The following GPS1 variants were observed in gnomAD, a reference collection of about 807,000 sequenced individuals.
The protein encoded by GPS1 is COP9 signalosome complex subunit 1.
Under a neutral mutation model 60.0 loss-of-function variants are expected in GPS1, and 11 were observed. The ratio of observed to expected loss-of-function variants is 0.18; its 90% CI spans 0.12 to 0.30. The LOEUF is 0.30. Among genes scored for constraint, GPS1 ranks in the 10% least tolerant of loss-of-function variants. The pLI is 1.00. For missense variants in GPS1, 543 were observed against 669.2 expected, an observed-to-expected ratio of 0.81 and a Z score of 2.08; for synonymous variants, 343 against 269.8, an observed-to-expected ratio of 1.27 and a Z score of -2.66.
chr17:82,052,608 G>A, intron 1 of GPS1: 1 of 934,608 alleles, frequency 1.1e-6, no homozygotes, highest in East Asian at 2.7e-5. Flanking sequence ...GTGGGCCCGG[G>A]GCCTGCGGAG....
rs748382340 is a variant in GPS1, at chr17:82,056,307, G to A, written c.951G>A (p.Glu317=). 1 of 1,612,502 alleles carries A rather than the reference G, an allele frequency of 6.2e-7. No homozygotes were observed. The highest frequency in any genetic ancestry group is 1.1e-5 in the South Asian group (1 of 91,068). Residue 317 remains glutamate, a synonymous_variant, in exon 9 of 13, where the codon GAG becomes GAA. Transcript: ENST00000578552. ...CCAGCTCCTTCAAGTTGTTCTTGGA[G>A]CTGGAGCCACAGGTCCGAGACATCA... ...ISSSSFKLFL[E]LEPQVRDIIF... is the part of the protein sequence containing the mutation.
Position 82,056,926 on chromosome 17 carries a change from G to A in GPS1, c.1341G>A (p.Lys447=). 1.2e-6 allele frequency: 2 copies of A among 1,612,958 alleles called. No individual in the cohort carries two copies. Among genetic ancestry groups the A allele is most frequent in the Non-Finnish European group, 1.7e-6 (2 of 1,179,958 alleles). ...LMGKEFQRRA[K]AMMLRAAVLR... ...GCAAGGAGTTCCAGCGCCGCGCCAA[G>A]GCCATGATGCTGCGGGCAGCTGTGC... Residue 447 remains lysine, a synonymous_variant, in exon 12 of 13, where the codon AAG becomes AAA. Coordinates refer to ENST00000578552, the MANE Select transcript of GPS1 (RefSeq NM_001321092.3).
chr17:82,054,343 T>C, intron 3 of GPS1, 167 bp from the exon 4 acceptor site: 1 of 968,510 alleles, frequency 1.0e-6, no homozygotes, highest in Non-Finnish European at 1.5e-6. Flanking sequence ...CAGTTCTCTC[T>C]GTGGCCCTGG....
Position 82,054,968 on chromosome 17 carries a change from T to C in GPS1, c.680T>C (p.Ile227Thr). Residue 227 changes from isoleucine to threonine, a missense_variant, in exon 5 of 13, where the codon ATT becomes ACT. Ile to Thr is a moderately conservative substitution (Grantham distance 89). Around this residue, in one of 3 missense-constraint regions of GPS1, gnomAD observed 291 missense variants for 353.7 expected, o/e 0.82. Transcript: ENST00000578552. ...AGCAAGGCTGAGTCCACCCCAGAGA[T>C]TGCCGAGGTACGGGCCACCTCCTCA... ...YVSKAESTPE[I>T]AEQRGERDSQ... 1.2e-6 allele frequency: 2 copies of C among 1,612,942 alleles called. No individual in the cohort carries two copies. The highest frequency in any genetic ancestry group is 1.7e-6 in the Non-Finnish European group (2 of 1,179,926).
rs759169597 is a variant in GPS1 at position 82,055,166 on chromosome 17, G to T, written c.692G>T (p.Arg231Leu). The change falls in exon 6 of 13, where the codon CGA becomes CTA. Residue 231 changes from arginine to leucine, a missense_variant. Arg to Leu is a moderately radical substitution (Grantham distance 102, BLOSUM62 -2). Around this residue, in one of 3 missense-constraint regions of GPS1, gnomAD observed 291 missense variants for 353.7 expected, o/e 0.82. Transcript: ENST00000578552. ...GCATGTGGCTTCCTCCTACAGCAGC[G>T]AGGAGAGCGTGACAGCCAGACCCAG... Reference protein sequence around the residue: ...AESTPEIAEQRGERDSQTQAI... With the variant: ...AESTPEIAEQLGERDSQTQAI... The T allele has an allele frequency of 6.4e-7, 1 of 1,564,134 alleles. No homozygotes were observed. Among genetic ancestry groups the T allele is most frequent in the Non-Finnish European group, 8.7e-7 (1 of 1,154,552 alleles).
At position 82,057,265 on chromosome 17, in the gene GPS1, CTGGGGCTGAGGAGGCA is replaced by C. The variant is rs1250580223; in HGVS notation, c.*139_*154del. On this transcript the variant is annotated 3_prime_UTR_variant, in exon 13 of 13. Coordinates refer to ENST00000578552, the MANE Select transcript of GPS1 (RefSeq NM_001321092.3). ...GTGCCACCCAGCCTGTGTGCCCTCC[CTGGGGCTGAGGAGGCA>C]GGCGGCTGCTAGTTGTGGCCCTTCC... 12 of 1,152,208 alleles carry C rather than the reference CTGGGGCTGAGGAGGCA, an allele frequency of 1.0e-5. No homozygotes were observed. Among genetic ancestry groups the C allele is most frequent in the Non-Finnish European group, 1.5e-5 (12 of 780,560 alleles). The allele number at this position is 1,152,208 out of a possible 1,614,324, so 71.4% of individuals were successfully genotyped here.
Position 82,056,786 on chromosome 17 carries a change from C to T in GPS1, c.1254+20C>T, listed in dbSNP as rs766790468. On this transcript the variant is annotated intron_variant, in intron 11 of 12. Transcript: ENST00000578552. Reference sequence around the variant, plus strand: ...AGCAAGGTGGCTGTGGGCTGCGGGGCGGTGGGGGCAGCTGGGGGTGAGCCT... The same window carrying T: ...AGCAAGGTGGCTGTGGGCTGCGGGGTGGTGGGGGCAGCTGGGGGTGAGCCT... 3.4e-5 allele frequency: 54 copies of T among 1,602,098 alleles called. No individual in the cohort carries two copies. Among genetic ancestry groups the T allele is most frequent in the African/African-American group, 1.2e-4 (9 of 74,766 alleles).
chr17:82,051,855 GC>G, upstream of GPS1: 1 of 1,150,212 alleles, frequency 8.7e-7, no homozygotes, highest in Non-Finnish European at 1.1e-6. The surrounding 1 kb of genome is among the most constrained non-coding windows in gnomAD (Gnocchi z 4.1). Flanking sequence ...CAGCGGCCCC[GC>G]CCCGCCCCGC....
Position 82,056,989 on chromosome 17 carries a change from G to A in GPS1, c.1389+15G>A, listed in dbSNP as rs764439292. On this transcript the variant is annotated intron_variant, in intron 12 of 12. Transcript: ENST00000578552. ...TCCATGTCAAGGTGGGCTGGCTTGA[G>A]GGGGGGCAGGCGCACGGCGTGTGGG... is the stretch of plus-strand genomic sequence containing the variant. The A allele has an allele frequency of 6.9e-6, 11 of 1,594,816 alleles. No homozygotes were observed. In the East Asian group the frequency reaches 1.1e-4, roughly 16 times the overall value.
Position 82,054,535 on chromosome 17 carries a change from A to G in GPS1, c.334A>G (p.Ile112Val), listed in dbSNP as rs371231940. The G allele has an allele frequency of 1.7e-5, 27 of 1,561,248 alleles. No homozygotes were observed. Among genetic ancestry groups the G allele is most frequent in the Non-Finnish European group, 2.3e-5 (27 of 1,154,500 alleles). ...TRELQNAPDA[I>V]PESGVEPPAL... ...GGAGCTGCAGAACGCACCCGACGCC[A>G]TCCCTGAGAGCGGCGTGGAGCCCCC... Residue 112 changes from isoleucine to valine, a missense_variant, in exon 4 of 13, where the codon ATC becomes GTC. Physicochemically the swap from Ile to Val is conservative, Grantham distance 29 (BLOSUM62 3). Transcript: ENST00000578552.
At position 82,054,908 on chromosome 17, in the gene GPS1, A is replaced by G. The variant is rs1171587686; in HGVS notation, c.620A>G (p.Tyr207Cys). ...MCLNVIKVSVYLQNWSHVLSY... is the reference protein window; with the variant it reads ...MCLNVIKVSVCLQNWSHVLSY... ...GCGCCCCCCCGCCAGGTCAGCGTCTACTTGCAGAATTGGTCTCATGTGCTC... is the reference window on the plus strand; with the variant it reads ...GCGCCCCCCCGCCAGGTCAGCGTCTGCTTGCAGAATTGGTCTCATGTGCTC... Residue 207 changes from tyrosine (Y) to cysteine (C), a missense_variant, in exon 5 of 13, where the codon TAC (tyrosine) becomes TGC (cysteine). By Grantham distance (194) the Tyr-to-Cys change is radical (BLOSUM62 -2). Transcript: ENST00000578552. The G allele has an allele frequency of 4.4e-6, 7 of 1,592,420 alleles. No individual in the cohort carries two copies. In the African/African-American group the frequency reaches 9.4e-5, roughly 21 times the overall value.
upstream of GPS1, chr17:82,051,480 G>C (rs1477606916): frequency 2.2e-6 from 3 of 1,355,194 alleles, no homozygotes; most frequent in Non-Finnish European, 2.9e-6. This position sits in a 1 kb window ranked among gnomAD's most constrained non-coding sequence, Gnocchi z 4.1. Flanking sequence ...GCTCGCCGTC[G>C]GGGTCGGGGT....
At chr17:82,051,572 C>T, upstream of GPS1, 3 of 1,372,366 alleles carry the variant, frequency 2.2e-6, no homozygotes, top group Non-Finnish European at 2.8e-6. This position sits in a 1 kb window ranked among gnomAD's most constrained non-coding sequence, Gnocchi z 4.1. Context: ...TCCGGGTGGT[C>T]TTGACGGCGA....
chr17:82,053,357 C>G lies in GPS1; in HGVS notation c.117C>G (p.Asn39Lys), dbSNP rs1483945313. Reference sequence around the variant, plus strand: ...CTGACGTCAACTACGTGGTGGAGAACCCCAGCCTGGTACGGAGCCCAGTGG... The same window carrying G: ...CTGACGTCAACTACGTGGTGGAGAAGCCCAGCCTGGTACGGAGCCCAGTGG... ...NAPDVNYVVE[N>K]PSLDLEQYAA... The change falls in exon 2 of 13, where the codon AAC (asparagine) becomes AAG (lysine). Residue 39 changes from asparagine (N) to lysine (K), a missense_variant. This residue lies in a region of GPS1 where 181 missense variants were observed against 188.8 expected (regional missense o/e 0.96). Coordinates refer to ENST00000578552, the MANE Select transcript of GPS1 (RefSeq NM_001321092.3). 2 of 1,506,762 alleles carry G rather than the reference C, an allele frequency of 1.3e-6. No individual in the cohort carries two copies. The highest frequency in any genetic ancestry group is 2.5e-5 in the Admixed American group (1 of 40,010). The allele number at this position is 1,506,762 out of a possible 1,614,324, so 93.3% of individuals were successfully genotyped here.
In GPS1 at chr17:82,055,935, G is replaced by A. The variant is rs529851487; in HGVS notation, c.835-66G>A. 6.5e-5 allele frequency: 94 copies of A among 1,444,418 alleles called. 1 individual carries two copies. In the African/African-American group the frequency reaches 8.5e-4, roughly 13 times the overall value. 89.5% of individuals were successfully genotyped at this position (1,444,418 alleles called of 1,614,324 possible). ...ATGGGGTCTTAGGCATTCTCCGAGC[G>A]GGTGATGGGCAGGCAGGGGTGGCCT... On this transcript the variant is annotated intron_variant, in intron 7 of 12. Coordinates refer to ENST00000578552, the MANE Select transcript of GPS1 (RefSeq NM_001321092.3).
rs776090806 is a variant in GPS1 at position 82,054,033 on chromosome 17, C to G, written c.292C>G (p.Leu98Val). Residue 98 changes from leucine to valine, a missense_variant, in exon 3 of 13, where the codon CTC (leucine) becomes GTC (valine). Leu to Val is a conservative substitution (Grantham distance 32). Coordinates refer to ENST00000578552, the MANE Select transcript of GPS1 (RefSeq NM_001321092.3). ...VDMYEEIHRKLSEATRELQNA... is the reference protein window; with the variant it reads ...VDMYEEIHRKVSEATRELQNA... ...CATGTACGAGGAGATCCACCGCAAG[C>G]TCTCAGAGGCCACCAGGTGAGGCCA... 15 of 1,610,532 alleles carry G rather than the reference C, an allele frequency of 9.3e-6. No individual in the cohort carries two copies. The highest frequency in any genetic ancestry group is 1.3e-5 in the Non-Finnish European group (15 of 1,178,596).
intron 3 of GPS1, 194 bp from the exon 4 acceptor site, chr17:82,054,316 G>T: frequency 5.9e-6 from 5 of 845,036 alleles, no homozygotes; most frequent in Non-Finnish European, 8.8e-6. Flanking sequence ...CCACCCGGCT[G>T]TAGGCTCCTG....
Position 82,057,366 on chromosome 17 carries a change from T to C in GPS1, c.*239T>C. ...GTTTCTGTCCCCAGGGAGCAGACTG[T>C]GCGGCACCCAGGCCCAGTGGCACCA... On this transcript the variant is annotated 3_prime_UTR_variant, in exon 13 of 13. Transcript: ENST00000578552. 1 of 693,000 alleles carries C rather than the reference T, an allele frequency of 1.4e-6. No homozygotes were observed. Among genetic ancestry groups the C allele is most frequent in the Non-Finnish European group, 2.6e-6 (1 of 380,346 alleles). 42.9% of individuals were successfully genotyped at this position (693,000 alleles called of 1,614,324 possible). A position where few individuals can be genotyped will look rare whatever the true frequency, so the allele number is the denominator to read the frequency against.
rs1424861294 is a variant in GPS1, at chr17:82,057,455, G to T, written c.*328G>T. 3.9e-6 allele frequency: 2 copies of T among 518,846 alleles called. No homozygotes were observed. The highest frequency in any genetic ancestry group is 8.6e-5 in the East Asian group (2 of 23,154). 32.1% of individuals were successfully genotyped at this position (518,846 alleles called of 1,614,324 possible). On this transcript the variant is annotated 3_prime_UTR_variant, in exon 13 of 13. Coordinates refer to ENST00000578552, the MANE Select transcript of GPS1 (RefSeq NM_001321092.3). The stretch of plus-strand genomic sequence containing the variant: ...AGACAAGTGGGCGGTGTCCATTAAA[G>T]AGCAGACTCAGCGTTGCTCTTGGCT...
Sources: gnomAD v4.1 joint callset for allele counts on GRCh38, gnomAD v4.1.1 for gene constraint, gnomAD v4.1.1 regional missense constraint, Gnocchi (gnomAD v3.1) non-coding constraint, MANE v1.5 for transcripts, NCBI Gene and HGNC (gene_info 2026-07-23, HGNC 2026-07-21) for gene names.